CNTN5: variants seen among roughly 807,000 people sequenced by gnomAD.
CNTN5 encodes the protein contactin 5.
A neutral mutation model predicts 129.1 loss-of-function variants in CNTN5; 77 were observed. The ratio of observed to expected loss-of-function variants is 0.60; its 90% confidence interval spans 0.50 to 0.72. The LOEUF is 0.72. CNTN5 is among the 30% of genes least tolerant of loss of function. The probability of loss-of-function intolerance (pLI) is 0.00; values close to 1 mark genes in which losing one functional copy is unlikely to be tolerated. For synonymous variants in CNTN5, 509 were observed against 465.6 expected (o/e 1.09, Z -1.20); for missense variants, 1,478 against 1,328.8 (o/e 1.11, Z -1.75).
At chr11:99,411,005 C>G (rs984147167) in intron 2 of CNTN5, among the ~76,000 whole-genome samples, 1 of 152,180 alleles carries the variant, frequency 6.6e-6, no homozygotes, top group Non-Finnish European at 1.5e-5. Flanking sequence ...GCGCATTTTA[C>G]AGAGATTATC....
chr11:99,751,291 T>C (rs1287000006), intron 3 of CNTN5, among the ~76,000 whole-genome samples: 3 of 152,152 alleles, frequency 2.0e-5, no homozygotes, highest in Non-Finnish European at 4.4e-5. Context: ...GAGCTAAGAC[T>C]GTGCCATTGC....
At chr11:99,071,794 A>T (rs531876973) in intron 1 of CNTN5, among the ~76,000 whole-genome samples, 2 of 152,256 alleles carry the variant, frequency 1.3e-5, no homozygotes, top group Non-Finnish European at 2.9e-5. Flanking sequence ...ATTGTCTTAA[A>T]CATAGATAAA....
At chr11:99,932,184 GTA>G in intron 7 of CNTN5, among the ~76,000 whole-genome samples, 1 of 152,128 alleles carries the variant, frequency 6.6e-6, no homozygotes, top group African/African-American at 2.4e-5. Flanking sequence ...GTTGAAACGT[GTA>G]TTTTATTTTA....
chr11:99,909,440 A>G (rs1344877650), intron 6 of CNTN5, among the ~76,000 whole-genome samples: 1 of 152,134 alleles, frequency 6.6e-6, no homozygotes, highest in Non-Finnish European at 1.5e-5. Context: ...ATACCATTTG[A>G]CTCAACCATC....
intron 2 of CNTN5, among the ~76,000 whole-genome samples, chr11:99,427,856 A>C (rs2102273): frequency 6.6e-6 from 1 of 151,392 alleles, no homozygotes; most frequent in East Asian, 1.9e-4. Flanking sequence ...TGGTTTTTTA[A>C]ACAATTATTT....
intron 2 of CNTN5, among the ~76,000 whole-genome samples, chr11:99,340,389 G>C (rs115671487): frequency 0.024 from 3,622 of 152,162 alleles, 153 homozygotes; most frequent in African/African-American, 0.083. Context: ...GGAAAAGTAA[G>C]GATTATAGGG....
At chr11:99,964,951 G>T (rs4519064) in intron 8 of CNTN5, among the ~76,000 whole-genome samples, 1 of 152,040 alleles carries the variant, frequency 6.6e-6, no homozygotes, top group Non-Finnish European at 1.5e-5. Flanking sequence ...TTTGCGTAGA[G>T]ATGTTTACAG....
intron 1 of CNTN5, among the ~76,000 whole-genome samples, chr11:99,258,832 G>T (rs538691893): frequency 1.7e-4 from 26 of 151,754 alleles, no homozygotes; most frequent in Admixed American, 6.6e-5. Flanking sequence ...AGGAAAATAG[G>T]ACAGACACTA....
At chr11:100,004,801 G>A (rs1236574042) in intron 9 of CNTN5, among the ~76,000 whole-genome samples, 2 of 152,188 alleles carry the variant, frequency 1.3e-5, no homozygotes, top group Non-Finnish European at 2.9e-5. Context: ...ACCAATGGGA[G>A]CTGTAATGAC....
At chr11:99,442,113 T>G (rs941732652) in intron 2 of CNTN5, among the ~76,000 whole-genome samples, 1 of 152,176 alleles carries the variant, frequency 6.6e-6, no homozygotes, top group Non-Finnish European at 1.5e-5. Context: ...AGTGCATGCC[T>G]TGCTAACTTT....
chr11:100,027,970 C>T (rs188310777), intron 9 of CNTN5, among the ~76,000 whole-genome samples: 1 of 152,192 alleles, frequency 6.6e-6, no homozygotes, highest in African/African-American at 2.4e-5. Flanking sequence ...TAGAAGTTGA[C>T]CCAAACCTGC....
At chr11:99,263,222 A>G (rs1422904072) in intron 1 of CNTN5, among the ~76,000 whole-genome samples, 1 of 152,110 alleles carries the variant, frequency 6.6e-6, no homozygotes, top group Non-Finnish European at 1.5e-5. Flanking sequence ...TGTGATGCCA[A>G]CAGTAATCAG....
chr11:100,303,820 A>T, intron 20 of CNTN5, among the ~76,000 whole-genome samples: 1 of 151,658 alleles, frequency 6.6e-6, no homozygotes, highest in East Asian at 1.9e-4. Flanking sequence ...AAATTAATAA[A>T]TTGACATGTT....
At chr11:100,248,988 G>A (rs1472339331) in intron 16 of CNTN5, among the ~76,000 whole-genome samples, 2 of 152,062 alleles carry the variant, frequency 1.3e-5, no homozygotes, top group Non-Finnish European at 2.9e-5. Flanking sequence ...TACCTTCAAA[G>A]CAAGAAGACT....
chr11:99,593,870 G>C (rs550432053), intron 3 of CNTN5, among the ~76,000 whole-genome samples: 2 of 152,262 alleles, frequency 1.3e-5, no homozygotes, highest in East Asian at 3.9e-4. Context: ...CTTATTCCCA[G>C]TGTAATGCCA....
At chr11:100,083,618 TCA>T (rs1488488156) in intron 13 of CNTN5, among the ~76,000 whole-genome samples, 1 of 152,168 alleles carries the variant, frequency 6.6e-6, no homozygotes, top group African/African-American at 2.4e-5. Context: ...AACAGTGTAC[TCA>T]CACTCTGCCA....
chr11:99,232,853 A>G (rs1468533415), intron 1 of CNTN5, among the ~76,000 whole-genome samples: 2 of 152,176 alleles, frequency 1.3e-5, no homozygotes, highest in Non-Finnish European at 2.9e-5. Context: ...TGATTTCCCA[A>G]TTGAATTCAT....
chr11:99,776,068 A>T (rs1419862659), intron 3 of CNTN5, among the ~76,000 whole-genome samples: 1 of 151,926 alleles, frequency 6.6e-6, no homozygotes, highest in Non-Finnish European at 1.5e-5. Context: ...CCTTGAAATG[A>T]TTTTCATTTT....
chr11:99,551,681 G>A (rs1052041949), intron 2 of CNTN5, among the ~76,000 whole-genome samples: 3 of 152,132 alleles, frequency 2.0e-5, no homozygotes, highest in Non-Finnish European at 2.9e-5. Flanking sequence ...GATCTAGCCT[G>A]TAATATAGTC....
Sources: allele counts gnomAD v4.1 joint callset (sites outside exome capture counted in the v4.1 genomes callset), GRCh38; gene constraint gnomAD v4.1.1; transcripts MANE v1.5; gene names NCBI Gene and HGNC (gene_info 2026-07-23, HGNC 2026-07-21).